PDE4D: variants seen among roughly 807,000 people sequenced by gnomAD.
PDE4D encodes the protein phosphodiesterase 4D.
PDE4D carries 24 observed loss-of-function variants against 87.4 expected under a neutral mutation model. The ratio of observed to expected loss-of-function variants is 0.27; its 90% CI spans 0.20 to 0.39. The LOEUF is 0.39. Among genes scored for constraint, PDE4D ranks in the 10% least tolerant of loss-of-function variants. PDE4D has a pLI of 1.00. For missense variants in PDE4D, 714 were observed against 1,041.0 expected (o/e 0.69, Z 4.32); for synonymous variants, 384 against 383.2 (o/e 1.00, Z -0.02).
chr5:60,137,276 T>A (rs1294035375), intron 2 of PDE4D, among the ~76,000 whole-genome samples: 2 of 152,204 alleles, frequency 1.3e-5, no homozygotes, highest in Non-Finnish European at 2.9e-5. Flanking sequence ...TGCATGTGTC[T>A]TTATGACAGA....
chr5:60,061,876 A>T (rs955606416), intron 2 of PDE4D, among the ~76,000 whole-genome samples: 37 of 152,206 alleles, frequency 2.4e-4, no homozygotes, highest in African/African-American at 8.7e-4. Context: ...CAGAAGACTG[A>T]AAGTGGACCC....
intron 5 of PDE4D, among the ~76,000 whole-genome samples, chr5:59,077,193 CTTA>C (rs1050236126): frequency 8.5e-5 from 13 of 152,074 alleles, no homozygotes; most frequent in Non-Finnish European, 2.9e-5. Flanking sequence ...GCATTATACT[CTTA>C]GCATAATGTC....
intron 1 of PDE4D, among the ~76,000 whole-genome samples, chr5:59,689,125 GA>G (rs1316251858): frequency 2.0e-5 from 3 of 152,050 alleles, no homozygotes; most frequent in African/African-American, 7.2e-5. Context: ...ATTCACAGCC[GA>G]ATTCTACCAG....
In PDE4D at chr5:58,972,453, C is replaced by T. The variant is rs1468927640; in HGVS notation, c.*2211G>A. The T allele has an allele frequency of 6.6e-6, 1 of 152,454 alleles. No individual in the cohort carries two copies. Among genetic ancestry groups the T allele is most frequent in the Non-Finnish European group, 1.5e-5 (1 of 68,018 alleles). 9.4% of individuals were successfully genotyped at this position (152,454 alleles called of 1,614,324 possible). The stretch of plus-strand genomic sequence containing the variant: ...TTATTTCAAAGGATCTAAGCATCAG[C>T]TAGATCTCAGGGGACTGAAATGGGG... On this transcript the variant is annotated 3_prime_UTR_variant, in exon 15 of 15. Transcript: ENST00000340635.
chr5:59,473,102 A>G (rs983891908), intron 1 of PDE4D, among the ~76,000 whole-genome samples: 30 of 139,432 alleles, frequency 2.2e-4, no homozygotes, highest in East Asian at 3.9e-4. Flanking sequence ...AAAAAAAAAA[A>G]AGAGAAAATA....
At chr5:59,505,133 A>T (rs1268705416) in intron 1 of PDE4D, among the ~76,000 whole-genome samples, 2 of 152,132 alleles carry the variant, frequency 1.3e-5, no homozygotes, top group Admixed American at 1.3e-4. Context: ...TTGGGAGGGA[A>T]GTAAAAAGCT....
At chr5:60,115,468 AT>A (rs1481578810) in intron 2 of PDE4D, among the ~76,000 whole-genome samples, 1 of 152,148 alleles carries the variant, frequency 6.6e-6, no homozygotes, top group Non-Finnish European at 1.5e-5. Context: ...GAGGATAATT[AT>A]TTTTAAAAAA....
At chr5:59,246,774 A>G (rs890294966) in intron 1 of PDE4D, among the ~76,000 whole-genome samples, 3 of 152,154 alleles carry the variant, frequency 2.0e-5, no homozygotes, top group African/African-American at 7.2e-5. Context: ...CCAACTATTC[A>G]ACAATTTGGA....
chr5:59,762,872 T>TAG (rs1020298863), intron 1 of PDE4D, among the ~76,000 whole-genome samples: 2 of 130,560 alleles, frequency 1.5e-5, no homozygotes, highest in Non-Finnish European at 3.3e-5. Context: ...TATATATATA[T>TAG]ATATATATAT....
rs57407769 is a variant in PDE4D, at chr5:59,751,574, G to GGTGTGTGTGTGTGTGTGTGT, written c.455+141574_455+141593dup. Among the ~76,000 whole-genome samples, 468 of 142,700 alleles carry GGTGTGTGTGTGTGTGTGTGT rather than the reference G, an allele frequency of 3.3e-3. 1 individual carries two copies. The highest frequency in any genetic ancestry group is 0.012 in the African/African-American group (447 of 37,802). The allele number at this position is 142,700 out of a possible 152,430, so 93.6% of individuals were successfully genotyped here. On this transcript the variant is annotated intron_variant, in intron 1 of 14. Transcript: ENST00000340635. ...GTTTCTTTTATACATATAAATCCCTGGTGTGTGTGTGTGTGTGTGTGTGTG... is the reference window on the plus strand; with the variant it reads ...GTTTCTTTTATACATATAAATCCCTGGTGTGTGTGTGTGTGTGTGTGTGTGTGTGTGTGTGTGTGTGTGTG...
chr5:60,282,556 A>G (rs1752045599), intron 1 of PDE4D, among the ~76,000 whole-genome samples: 1 of 152,148 alleles, frequency 6.6e-6, no homozygotes, highest in South Asian at 2.1e-4. Context: ...AAAATTTGTT[A>G]TTACTATGTT....
intron 5 of PDE4D, among the ~76,000 whole-genome samples, chr5:59,079,804 T>C (rs1278984117): frequency 7.0e-6 from 1 of 142,806 alleles, no homozygotes; most frequent in African/African-American, 2.6e-5. Flanking sequence ...TGCATTACAC[T>C]CTACCCAGTG....
chr5:60,074,611 T>C (rs565833001), intron 2 of PDE4D, among the ~76,000 whole-genome samples: 1 of 152,310 alleles, frequency 6.6e-6, no homozygotes, highest in South Asian at 2.1e-4. Context: ...GGTGTTGAAG[T>C]CTCCCACTAT....
chr5:59,913,434 G>T (rs1753663905), intron 3 of PDE4D, among the ~76,000 whole-genome samples: 1 of 152,104 alleles, frequency 6.6e-6, no homozygotes, highest in Non-Finnish European at 1.5e-5. Flanking sequence ...AGACAAACAT[G>T]TCTAAATTAC....
intron 1 of PDE4D, among the ~76,000 whole-genome samples, chr5:59,328,834 A>G (rs1033582034): frequency 6.6e-6 from 1 of 152,228 alleles, no homozygotes; most frequent in African/African-American, 2.4e-5. Flanking sequence ...AGTCAATTGA[A>G]TACGTGTACT....
chr5:59,347,672 A>C (rs1376037403), intron 1 of PDE4D, among the ~76,000 whole-genome samples: 1 of 152,180 alleles, frequency 6.6e-6, no homozygotes, highest in Admixed American at 6.6e-5. Context: ...AATAGAAAGT[A>C]TATTGTAAAC....
intron 1 of PDE4D, among the ~76,000 whole-genome samples, chr5:59,730,049 C>T (rs1279467124): frequency 6.6e-6 from 1 of 152,070 alleles, no homozygotes; most frequent in Non-Finnish European, 1.5e-5. Flanking sequence ...AGGCACTCAA[C>T]AGACTATGGA....
intron 1 of PDE4D, among the ~76,000 whole-genome samples, chr5:59,716,054 G>A (rs72751229): frequency 0.19 from 28,404 of 152,192 alleles, 3,187 homozygotes; most frequent in South Asian, 0.26. Flanking sequence ...TCCAAGGCCT[G>A]TGTCTCCTTT....
At chr5:59,651,342 CTG>C (rs1223470608) in intron 1 of PDE4D, among the ~76,000 whole-genome samples, 1 of 150,472 alleles carries the variant, frequency 6.6e-6, no homozygotes, top group African/African-American at 2.4e-5. Context: ...AATCAATAGA[CTG>C]TTTCATTCTT....
Sources: gnomAD v4.1 joint callset for allele counts (sites outside exome capture counted in the v4.1 genomes callset) on GRCh38, gnomAD v4.1.1 for gene constraint, MANE v1.5 for transcripts, NCBI Gene and HGNC (gene_info 2026-07-23, HGNC 2026-07-21) for gene names.